The following PTK6 variants were observed in gnomAD, a reference collection of about 807,000 sequenced individuals.
PTK6 encodes protein-tyrosine kinase 6.
PTK6 carries 47 observed loss-of-function variants against 47.5 expected under a neutral mutation model. That is an observed-to-expected ratio of 0.99 (90% confidence interval 0.78 to 1.26). The LOEUF (loss-of-function observed/expected upper bound fraction) is 1.26. PTK6 is among the 50% of genes most tolerant of loss of function. PTK6 has a pLI of 0.00. For synonymous variants in PTK6, 287 were observed against 276.5 expected, an observed-to-expected ratio of 1.04 and a Z score of -0.38; for missense variants, 618 against 625.3, an observed-to-expected ratio of 0.99 and a Z score of 0.12.
chr20:63,534,772 GC>G, intron 2 of PTK6, 165 bp downstream of exon 2: 1 of 1,090,460 alleles, frequency 9.2e-7, no homozygotes, highest in Non-Finnish European at 1.2e-6. Context: ...AGTGACCCAG[GC>G]CCCAGGGAGG....
At position 63,533,572 on chromosome 20, in the gene PTK6, C is replaced by A; in HGVS notation, c.649G>T (p.Ala217Ser). Reference sequence around the variant, plus strand: ...TCACCTCGAGAAATCACCTTAATGGCCACCTGGACCCGGTCTTTCCAGAGC... The same window carrying A: ...TCACCTCGAGAAATCACCTTAATGGACACCTGGACCCGGTCTTTCCAGAGC... ...EGLWKDRVQV[A>S]IKVISRDNLL... The change falls in exon 4 of 8, where the codon GCC becomes TCC. Residue 217 changes from alanine (A) to serine (S), a missense_variant. Ala to Ser is a moderately conservative substitution (Grantham distance 99). Transcript: ENST00000542869. This position sits in a 1 kb window ranked among gnomAD's most constrained non-coding sequence, Gnocchi z 4.0. 6.2e-7 allele frequency: 1 copy of A among 1,612,080 alleles called. No individual in the cohort carries two copies. The highest frequency in any genetic ancestry group is 1.1e-5 in the South Asian group (1 of 90,776).
intron 5 of PTK6, among the ~76,000 whole-genome samples, chr20:63,531,920 G>A (rs1412900518): frequency 6.6e-6 from 1 of 152,234 alleles, no homozygotes; most frequent in African/African-American, 2.4e-5. Flanking sequence ...GAGCGCAAAC[G>A]TGCGTGGTGC....
rs1299683287 is a variant in PTK6, at chr20:63,530,973, G to A, written c.833-46C>T. On this transcript the variant is annotated intron_variant, in intron 5 of 7. Transcript: ENST00000542869. This position sits in a 1 kb window ranked among gnomAD's most constrained non-coding sequence, Gnocchi z 4.1. ...GAGCCTGGGGTCAGCTGAGCCAGCT[G>A]AGGTGGGGAAGGGTTGGGGAGGCTG... 1.3e-6 allele frequency: 2 copies of A among 1,513,980 alleles called. No individual in the cohort carries two copies. The highest frequency in any genetic ancestry group is 2.2e-5 in the Admixed American group (1 of 45,854). The allele number at this position is 1,513,980 out of a possible 1,614,324, so 93.8% of individuals were successfully genotyped here. A position where few individuals can be genotyped will look rare whatever the true frequency, so the allele number is the denominator to read the frequency against.
rs1318617382 is a variant in PTK6, at chr20:63,533,751, A to G, written c.517-47T>C. ...CAGGGCAGGGGCTCATCCTTCAGGAAGTGCCAGTCTGAAGCCAGCACAGGG... is the reference window on the plus strand; with the variant it reads ...CAGGGCAGGGGCTCATCCTTCAGGAGGTGCCAGTCTGAAGCCAGCACAGGG... On this transcript the variant is annotated intron_variant, in intron 3 of 7. Coordinates refer to ENST00000542869, the MANE Select transcript of PTK6 (RefSeq NM_005975.4). This position sits in a 1 kb window ranked among gnomAD's most constrained non-coding sequence, Gnocchi z 4.0. 1 of 1,574,466 alleles carries G rather than the reference A, an allele frequency of 6.4e-7. No homozygotes were observed. Among genetic ancestry groups the G allele is most frequent in the Admixed American group, 1.8e-5 (1 of 54,646 alleles).
In PTK6 at chr20:63,533,660, C is replaced by T. The variant is rs763171483; in HGVS notation, c.561G>A (p.Pro187=). Residue 187 remains proline, a synonymous_variant, in exon 4 of 8, where the codon CCG becomes CCA. Transcript: ENST00000542869. The surrounding 1 kb of genome is among the most constrained non-coding windows in gnomAD (Gnocchi z 4.0). ...TCCTGCAGAGCGTGAACTCCTCCCTCGGCCTCTCCCAGTCATCCCAATGGG... is the reference window on the plus strand; with the variant it reads ...TCCTGCAGAGCGTGAACTCCTCCCTTGGCCTCTCCCAGTCATCCCAATGGG... ...PLPHWDDWER[P]REEFTLCRKL... 1.4e-5 allele frequency: 23 copies of T among 1,613,812 alleles called. No homozygotes were observed. In the African/African-American group the frequency reaches 1.6e-4, roughly 11 times the overall value.
chr20:63,532,314 TGC>T (rs1356164638), intron 5 of PTK6, among the ~76,000 whole-genome samples: 1 of 130,332 alleles, frequency 7.7e-6, no homozygotes, highest in African/African-American at 4.6e-5. Context: ...TGTCTGTGTG[TGC>T]ATGTGTATGT....
Position 63,533,742 on chromosome 20 carries a change from C to T in PTK6, c.517-38G>A. The T allele has an allele frequency of 1.3e-6, 2 of 1,583,048 alleles. No homozygotes were observed. The highest frequency in any genetic ancestry group is 1.7e-6 in the Non-Finnish European group (2 of 1,164,252). ...TCGGGGACACAGGGCAGGGGCTCAT[C>T]CTTCAGGAAGTGCCAGTCTGAAGCC... On this transcript the variant is annotated intron_variant, in intron 3 of 7. Coordinates refer to ENST00000542869, the MANE Select transcript of PTK6 (RefSeq NM_005975.4). The surrounding 1 kb of genome is among the most constrained non-coding windows in gnomAD (Gnocchi z 4.0).
In PTK6 at chr20:63,537,065, C is replaced by T; in HGVS notation, c.230+20G>A. 1 of 1,589,462 alleles carries T rather than the reference C, an allele frequency of 6.3e-7. No homozygotes were observed. Among genetic ancestry groups the T allele is most frequent in the Non-Finnish European group, 8.6e-7 (1 of 1,166,908 alleles). On this transcript the variant is annotated intron_variant, in intron 1 of 7. Transcript: ENST00000542869. ...AGAGGGTGGCCTGTGCCAAAGCTCC[C>T]AGCAGCCTAGGACACGCACGGTTCC...
At position 63,530,937 on chromosome 20, in the gene PTK6, G is replaced by A. The variant is rs1258902189; in HGVS notation, c.833-10C>T. The A allele has an allele frequency of 1.3e-6, 2 of 1,594,120 alleles. No homozygotes were observed. The highest frequency in any genetic ancestry group is 8.5e-7 in the Non-Finnish European group (1 of 1,170,220). ...ACTTTCTCATCAGAGTCTGCAGAGG[G>A]GAGTGGAGCAGAGCCTGGGGTCAGC... On this transcript the variant is annotated splice_polypyrimidine_tract_variant and intron_variant, in intron 5 of 7. Transcript: ENST00000542869. The surrounding 1 kb of genome is among the most constrained non-coding windows in gnomAD (Gnocchi z 4.1).
chr20:63,531,959 G>A lies in PTK6; in HGVS notation c.832+567C>T, dbSNP rs28702488. Among the ~76,000 whole-genome samples the A allele has an allele frequency of 4.3e-3, 655 of 152,306 alleles. 6 individuals carry two copies. The highest frequency in any genetic ancestry group is 0.015 in the African/African-American group (624 of 41,550). Reference sequence around the variant, plus strand: ...AGTGTAGCTCTCCTCAGACACACACGGCATTTTTCCTATACCACAACGTTC... The same window carrying A: ...AGTGTAGCTCTCCTCAGACACACACAGCATTTTTCCTATACCACAACGTTC... On this transcript the variant is annotated intron_variant, in intron 5 of 7. Transcript: ENST00000542869.
At chr20:63,532,288 ATG>A (rs994248328) in intron 5 of PTK6, among the ~76,000 whole-genome samples, 23 of 133,374 alleles carry the variant, frequency 1.7e-4, no homozygotes, top group Admixed American at 1.2e-3. Context: ...GTGTCATGTG[ATG>A]TGTCTTGTGT....
Position 63,535,400 on chromosome 20 carries a change from G to A in PTK6, c.231-341C>T, listed in dbSNP as rs376279045. Among the ~76,000 whole-genome samples the A allele has an allele frequency of 7.6e-5, 11 of 144,170 alleles. 1 individual carries two copies. The East Asian group carries it at 1.7e-3, about 23-fold the overall frequency. 94.6% of individuals were successfully genotyped at this position (144,170 alleles called of 152,430 possible). ...CTGCCTGCACACACCCATGTGTGAC[G>A]CACGCTCACACACACACAGTCACAA... is the stretch of plus-strand genomic sequence containing the variant. On this transcript the variant is annotated intron_variant, in intron 1 of 7. Transcript: ENST00000542869.
In PTK6 at chr20:63,530,385, G is replaced by A. The variant is rs1465695950; in HGVS notation, c.1015-154C>T. Among the ~76,000 whole-genome samples the A allele has an allele frequency of 6.6e-6, 1 of 152,194 alleles. No homozygotes were observed. Among genetic ancestry groups the A allele is most frequent in the Non-Finnish European group, 1.5e-5 (1 of 68,012 alleles). On this transcript the variant is annotated intron_variant, in intron 6 of 7. Coordinates refer to ENST00000542869, the MANE Select transcript of PTK6 (RefSeq NM_005975.4). This position sits in a 1 kb window ranked among gnomAD's most constrained non-coding sequence, Gnocchi z 4.1. ...CGGCCGCTGCAGCTAAGGCCACACT[G>A]GGGCCTGACCACCTTCAGGAGCCCA... is the stretch of plus-strand genomic sequence containing the variant.
At chr20:63,535,777 C>T (rs1273208403) in intron 1 of PTK6, among the ~76,000 whole-genome samples, 3 of 112,734 alleles carry the variant, frequency 2.7e-5, no homozygotes, top group African/African-American at 1.3e-4. Flanking sequence ...CCCCCCCTCA[C>T]CTGGCCTCCC....
At position 63,530,254 on chromosome 20, in the gene PTK6, T is replaced by G; in HGVS notation, c.1015-23A>C. The G allele has an allele frequency of 5.0e-6, 8 of 1,611,108 alleles. No individual in the cohort carries two copies. Among genetic ancestry groups the G allele is most frequent in the Non-Finnish European group, 6.8e-6 (8 of 1,177,984 alleles). On this transcript the variant is annotated intron_variant, in intron 6 of 7. Transcript: ENST00000542869. The surrounding 1 kb of genome is among the most constrained non-coding windows in gnomAD (Gnocchi z 4.1). The stretch of plus-strand genomic sequence containing the variant: ...CTCCTGCAATCAGCCTGGAGCTGAG[T>G]GGGCCGTGGGGGCTGCCTGTGCCCT...
At position 63,531,508 on chromosome 20, in the gene PTK6, A is replaced by G. The variant is rs537780931; in HGVS notation, c.833-581T>C. ...CAGGTGCCTGTAATCTCAGCTACTC[A>G]GGTGGCTGAGGCAGGAGAATCATTT... On this transcript the variant is annotated intron_variant, in intron 5 of 7. Coordinates refer to ENST00000542869, the MANE Select transcript of PTK6 (RefSeq NM_005975.4). Among the ~76,000 whole-genome samples, 46 of 138,368 alleles carry G rather than the reference A, an allele frequency of 3.3e-4. No individual in the cohort carries two copies. In the South Asian group the frequency reaches 9.7e-3, roughly 29 times the overall value. The allele number at this position is 138,368 out of a possible 152,430, so 90.8% of individuals were successfully genotyped here.
chr20:63,532,272 C>A (rs973286174), intron 5 of PTK6, among the ~76,000 whole-genome samples: 4 of 117,274 alleles, frequency 3.4e-5, no homozygotes, highest in Non-Finnish European at 6.0e-5. Context: ...ATGTGTATGT[C>A]TGTGTGTGTC....
chr20:63,530,670 C>T lies in PTK6; in HGVS notation c.1014+76G>A, dbSNP rs2082611089. On this transcript the variant is annotated intron_variant, in intron 6 of 7. Coordinates refer to ENST00000542869, the MANE Select transcript of PTK6 (RefSeq NM_005975.4). The surrounding 1 kb of genome is among the most constrained non-coding windows in gnomAD (Gnocchi z 4.1). Reference sequence around the variant, plus strand: ...ATCCTGCTCCCAGCCGAGTCCCCAGCTCCACACACAGGAAGCCCCCAGCCC... The same window carrying T: ...ATCCTGCTCCCAGCCGAGTCCCCAGTTCCACACACAGGAAGCCCCCAGCCC... 6.6e-6 allele frequency: 10 copies of T among 1,525,970 alleles called. No individual in the cohort carries two copies. The South Asian group carries it at 1.1e-4, about 16-fold the overall frequency. 94.5% of individuals were successfully genotyped at this position (1,525,970 alleles called of 1,614,324 possible). A position where few individuals can be genotyped will look rare whatever the true frequency, so the allele number is the denominator to read the frequency against.
chr20:63,536,745 C>G (rs926155860), intron 1 of PTK6, among the ~76,000 whole-genome samples: 1 of 152,216 alleles, frequency 6.6e-6, no homozygotes, highest in Non-Finnish European at 1.5e-5. Flanking sequence ...CACTGGCCAC[C>G]GGGCCCCAGA....
Sources: allele counts gnomAD v4.1 joint callset (sites outside exome capture counted in the v4.1 genomes callset), GRCh38; gene constraint gnomAD v4.1.1; non-coding constraint Gnocchi (gnomAD v3.1); transcripts MANE v1.5; gene names NCBI Gene and HGNC (gene_info 2026-07-23, HGNC 2026-07-21).